Variants in ZNF407 observed in about 807,000 individuals in gnomAD.
ZNF407 encodes zinc finger protein 407.
A neutral mutation model predicts 131.2 loss-of-function variants in ZNF407; 17 were observed. That is an observed-to-expected ratio of 0.13 (90% confidence interval 0.09 to 0.19). The LOEUF (loss-of-function observed/expected upper bound fraction) is 0.19. ZNF407 is among the 10% of genes least tolerant of loss of function. The probability of loss-of-function intolerance (pLI) is 1.00; values close to 1 mark genes in which losing one functional copy is unlikely to be tolerated. For synonymous variants in ZNF407, 1,156 were observed against 1,062.0 expected (o/e 1.09, Z -1.72); for missense variants, 2,681 against 2,830.6 (o/e 0.95, Z 1.20).
chr18:74,918,201 T>C (rs1311136092), intron 7 of ZNF407, among the ~76,000 whole-genome samples: 2 of 152,220 alleles, frequency 1.3e-5, no homozygotes, highest in African/African-American at 4.8e-5. Context: ...TATCCTTTGC[T>C]TAGAATGTGC....
intron 8 of ZNF407, among the ~76,000 whole-genome samples, chr18:74,983,906 A>G (rs1972622575): frequency 6.6e-6 from 1 of 152,226 alleles, no homozygotes; most frequent in African/African-American, 2.4e-5. Flanking sequence ...CTGGAGAGTT[A>G]GCAAAGATGA....
chr18:74,887,864 C>T (rs1256106236), intron 6 of ZNF407, among the ~76,000 whole-genome samples: 1 of 152,090 alleles, frequency 6.6e-6, no homozygotes, highest in Non-Finnish European at 1.5e-5. Context: ...AATTGAAGTC[C>T]ATCTGGCTTC....
intron 3 of ZNF407, among the ~76,000 whole-genome samples, chr18:74,646,262 C>G (rs1297297644): frequency 6.6e-6 from 1 of 152,082 alleles, no homozygotes; most frequent in Non-Finnish European, 1.5e-5. Flanking sequence ...ATTAGTTACA[C>G]CCATCATATC....
chr18:75,063,609 T>C lies in ZNF407; in HGVS notation c.5888T>C (p.Val1963Ala), dbSNP rs762955278. 46 of 1,578,590 alleles carry C rather than the reference T, an allele frequency of 2.9e-5. No individual in the cohort carries two copies. Among genetic ancestry groups the C allele is most frequent in the Non-Finnish European group, 4.0e-5 (46 of 1,163,910 alleles). The part of the protein sequence containing the change: ...MDESLSPGGA[V>A]IQQVTKQEIL... ...GAGTCCCTCAGTCCAGGTGGCGCTG[T>C]GATACAACAGGTGACCAAGCAGGAG... The change falls in exon 9 of 9, where the codon GTG becomes GCG. Residue 1963 changes from valine (V) to alanine (A), a missense_variant. Coordinates refer to ENST00000299687, the MANE Select transcript of ZNF407 (RefSeq NM_017757.3). The surrounding 1 kb of genome is among the most constrained non-coding windows in gnomAD (Gnocchi z 6.6).
intron 7 of ZNF407, chr18:74,905,463 A>G (rs964390321): frequency 6.6e-6 from 1 of 152,282 alleles, no homozygotes; most frequent in African/African-American, 2.4e-5. Context: ...CAGAGAGCGC[A>G]TGTGGACACC....
chr18:74,779,102 TA>T (rs1396064791), intron 3 of ZNF407, among the ~76,000 whole-genome samples: 2 of 43,880 alleles, frequency 4.6e-5, no homozygotes, highest in African/African-American at 1.6e-4. Context: ...TATATATATA[TA>T]TATATATTTT....
At chr18:74,774,616 C>A (rs555120814) in intron 3 of ZNF407, among the ~76,000 whole-genome samples, 12 of 152,174 alleles carry the variant, frequency 7.9e-5, no homozygotes, top group Non-Finnish European at 1.8e-4. Context: ...ATCAGACATA[C>A]CATATGTGGG....
chr18:74,932,884 T>C lies in ZNF407; in HGVS notation c.5428+12192T>C, dbSNP rs528642736. Among the ~76,000 whole-genome samples, 8 of 151,976 alleles carry C rather than the reference T, an allele frequency of 5.3e-5. No homozygotes were observed. The East Asian group carries it at 1.5e-3, about 29-fold the overall frequency. On this transcript the variant is annotated intron_variant, in intron 8 of 8. Transcript: ENST00000299687. ...ATTCAGATGCCTCCTGTCAGAAAAA[T>C]AGAAAATTGCGAGTGCTGACAAGGA...
chr18:74,692,245 G>C (rs982124661), intron 3 of ZNF407, among the ~76,000 whole-genome samples: 1 of 152,140 alleles, frequency 6.6e-6, no homozygotes, highest in Non-Finnish European at 1.5e-5. Context: ...CCGGAGTGGA[G>C]CTGTGTTAAG....
chr18:74,777,013 T>C (rs1235470026), intron 3 of ZNF407, among the ~76,000 whole-genome samples: 1 of 152,122 alleles, frequency 6.6e-6, no homozygotes, highest in Non-Finnish European at 1.5e-5. Flanking sequence ...GAGAAAATCG[T>C]AGCAGAAGTG....
At chr18:74,978,289 T>C (rs934437190) in intron 8 of ZNF407, among the ~76,000 whole-genome samples, 1 of 152,048 alleles carries the variant, frequency 6.6e-6, no homozygotes, top group African/African-American at 2.4e-5. Flanking sequence ...GCAGTGTTGA[T>C]TGTGGAAGAT....
intron 8 of ZNF407, among the ~76,000 whole-genome samples, chr18:74,951,401 T>C (rs1599260154): frequency 1.3e-5 from 2 of 152,334 alleles, no homozygotes; most frequent in South Asian, 2.1e-4. Flanking sequence ...TCTGTTGATT[T>C]GCCTAAACTG....
In ZNF407 at chr18:74,615,082, A is replaced by C. The variant is rs115315947; in HGVS notation, c.-53-15885A>C. Among the ~76,000 whole-genome samples the C allele has an allele frequency of 6.2e-3, 940 of 152,318 alleles. 12 individuals carry two copies. The highest frequency in any genetic ancestry group is 0.021 in the African/African-American group (884 of 41,570). On this transcript the variant is annotated intron_variant, in intron 1 of 8. Transcript: ENST00000299687. ...TCTTCCATGCTTACTTTCTTCTGTC[A>C]GCTGGATGCAGGGAATGAGAAAGCT...
chr18:75,023,788 A>G (rs780176292), intron 8 of ZNF407, among the ~76,000 whole-genome samples: 2 of 152,180 alleles, frequency 1.3e-5, no homozygotes, highest in Non-Finnish European at 2.9e-5. Context: ...AATAGAACCT[A>G]CTTTAAAGTG....
chr18:74,781,015 T>G lies in ZNF407; in HGVS notation c.4803-413T>G, dbSNP rs201144123. Among the ~76,000 whole-genome samples, 18 of 152,316 alleles carry G rather than the reference T, an allele frequency of 1.2e-4. No homozygotes were observed. The East Asian group carries it at 2.9e-3, about 24-fold the overall frequency. ...TAAGGAAGCTCCATGAAAGCTATTC[T>G]TTTTCTCTTTTACGGTCCTTTAAAT... On this transcript the variant is annotated intron_variant, in intron 3 of 8. Coordinates refer to ENST00000299687, the MANE Select transcript of ZNF407 (RefSeq NM_017757.3).
intron 3 of ZNF407, among the ~76,000 whole-genome samples, chr18:74,647,895 G>T (rs1985046999): frequency 6.6e-6 from 1 of 152,074 alleles, no homozygotes; most frequent in African/African-American, 2.4e-5. Flanking sequence ...TCACAGGAGG[G>T]TTATCTTTGA....
chr18:74,662,874 A>G (rs1985773395), intron 3 of ZNF407, among the ~76,000 whole-genome samples: 1 of 152,252 alleles, frequency 6.6e-6, no homozygotes, highest in Non-Finnish European at 1.5e-5. Flanking sequence ...TTCTTTACAT[A>G]GATGTCTGCA....
chr18:74,655,570 A>G (rs1985416345), intron 3 of ZNF407, among the ~76,000 whole-genome samples: 1 of 152,140 alleles, frequency 6.6e-6, no homozygotes, highest in Non-Finnish European at 1.5e-5. Flanking sequence ...GTCTGAGTAA[A>G]TGATTCTGAA....
intron 1 of ZNF407, among the ~76,000 whole-genome samples, chr18:74,599,751 A>C (rs570301626): frequency 2.0e-5 from 3 of 152,150 alleles, no homozygotes; most frequent in Admixed American, 1.3e-4. Context: ...AATAAAATAT[A>C]CTCTCCTAGT....
Sources: gnomAD v4.1 joint callset for allele counts (sites outside exome capture counted in the v4.1 genomes callset) on GRCh38, gnomAD v4.1.1 for gene constraint, Gnocchi (gnomAD v3.1) non-coding constraint, MANE v1.5 for transcripts, NCBI Gene and HGNC (gene_info 2026-07-23, HGNC 2026-07-21) for gene names.